Variants in RAB3B observed in about 807,000 individuals in gnomAD.
The protein encoded by RAB3B is RAB3B, member RAS oncogene family, also known as ras-related protein Rab-3B.
RAB3B carries 11 observed loss-of-function variants against 20.5 expected under a neutral mutation model. The ratio of observed to expected loss-of-function variants is 0.54; its 90% confidence interval spans 0.34 to 0.89. The LOEUF (loss-of-function observed/expected upper bound fraction) is 0.89. Ranked by LOEUF, RAB3B falls within the 40% of genes least tolerant of loss-of-function variation. The pLI is 0.02. For synonymous variants in RAB3B, 99 were observed against 106.3 expected (o/e 0.93, Z 0.42); for missense variants, 225 against 280.9 (o/e 0.80, Z 1.42).
At position 51,920,079 on chromosome 1, in the gene RAB3B, T is replaced by C. The variant is rs1684152511; in HGVS notation, c.508A>G (p.Ile170Val). 3.1e-6 allele frequency: 5 copies of C among 1,613,916 alleles called. No homozygotes were observed. Among genetic ancestry groups the C allele is most frequent in the Non-Finnish European group, 4.2e-6 (5 of 1,179,864 alleles). ...DFFEASAKEN[I>V]SVRQAFERLV... ...CGCTCAAAGGCCTGCCTTACACTGA[T>C]GTTCTCCTTTGCACTGGCTTCAAAG... is the stretch of plus-strand genomic sequence containing the variant. The change falls in exon 5 of 5, where the codon ATC (isoleucine) becomes GTC (valine). Residue 170 changes from isoleucine (I) to valine (V), a missense_variant. Ile to Val is a conservative substitution (Grantham distance 29, BLOSUM62 3). Coordinates refer to ENST00000371655, the MANE Select transcript of RAB3B (RefSeq NM_002867.4).
At chr1:51,939,350 CAG>C (rs1374913799) in intron 2 of RAB3B, among the ~76,000 whole-genome samples, 8 of 152,062 alleles carry the variant, frequency 5.3e-5, no homozygotes, top group African/African-American at 1.9e-4. Flanking sequence ...GCAAAAATTG[CAG>C]AAAGGGCAAG....
chr1:51,966,397 A>C (rs1684852223), intron 2 of RAB3B, among the ~76,000 whole-genome samples: 1 of 152,192 alleles, frequency 6.6e-6, no homozygotes, highest in African/African-American at 2.4e-5. Context: ...TATAATATGT[A>C]CATGACACAT....
At chr1:51,980,829 G>A in intron 1 of RAB3B, 2 of 736,070 alleles carry the variant, frequency 2.7e-6, no homozygotes, top group Non-Finnish European at 5.0e-6. Context: ...AAGGAGCTGA[G>A]TCCTTAAAGA....
In RAB3B at chr1:51,914,519, G is replaced by C. The variant is rs1464282237; in HGVS notation, c.*5408C>G. 6.6e-6 allele frequency: 1 copy of C among 152,122 alleles called. No individual in the cohort carries two copies. The highest frequency in any genetic ancestry group is 1.5e-5 in the Non-Finnish European group (1 of 68,030). The allele number at this position is 152,122 out of a possible 1,614,324, so 9.4% of individuals were successfully genotyped here. A position where few individuals can be genotyped will look rare whatever the true frequency, so the allele number is the denominator to read the frequency against. ...TGAAAGCAAGAACTGTGTCTAATTT[G>C]CCACTACTTGTATCCTGGCACATAA... On this transcript the variant is annotated 3_prime_UTR_variant, in exon 5 of 5. Coordinates refer to ENST00000371655, the MANE Select transcript of RAB3B (RefSeq NM_002867.4).
intron 4 of RAB3B, among the ~76,000 whole-genome samples, chr1:51,931,287 T>C (rs961262532): frequency 6.6e-6 from 1 of 152,078 alleles, no homozygotes; most frequent in African/African-American, 2.4e-5. Context: ...GTCCTACTTA[T>C]CTTCAAGACT....
chr1:51,945,539 C>T (rs1439011819), intron 2 of RAB3B, among the ~76,000 whole-genome samples: 1 of 152,134 alleles, frequency 6.6e-6, no homozygotes, highest in Admixed American at 6.5e-5. Flanking sequence ...CTGTACCTAC[C>T]TCAGAGTTTT....
chr1:51,959,216 G>A (rs1571971934), intron 2 of RAB3B, among the ~76,000 whole-genome samples: 2 of 152,082 alleles, frequency 1.3e-5, no homozygotes, highest in Non-Finnish European at 1.5e-5. Flanking sequence ...ATGGGAGTTT[G>A]CTGATAGAAA....
At chr1:51,986,111 A>G (rs1685147488) in intron 1 of RAB3B, among the ~76,000 whole-genome samples, 1 of 151,178 alleles carries the variant, frequency 6.6e-6, no homozygotes, top group Admixed American at 6.6e-5. Flanking sequence ...GTTCAAAACC[A>G]GCCTGGGAAA....
intron 2 of RAB3B, among the ~76,000 whole-genome samples, chr1:51,962,149 C>A (rs567932068): frequency 2.0e-5 from 3 of 152,310 alleles, no homozygotes; most frequent in African/African-American, 7.2e-5. Context: ...CCATCTAACT[C>A]CTCTGGACCT....
intron 3 of RAB3B, among the ~76,000 whole-genome samples, chr1:51,936,937 C>T (rs1239861305): frequency 1.3e-5 from 2 of 152,046 alleles, no homozygotes; most frequent in Non-Finnish European, 2.9e-5. Flanking sequence ...CCTTAGCCTC[C>T]TGAGTAGCTG....
intron 1 of RAB3B, among the ~76,000 whole-genome samples, chr1:51,978,478 T>C (rs1685039199): frequency 6.6e-6 from 1 of 152,208 alleles, no homozygotes; most frequent in Non-Finnish European, 1.5e-5. Flanking sequence ...ACTCATTCAC[T>C]CAGCAAATAT....
Position 51,916,146 on chromosome 1 carries a change from C to A in RAB3B, c.*3781G>T, listed in dbSNP as rs1361270928. On this transcript the variant is annotated 3_prime_UTR_variant, in exon 5 of 5. Transcript: ENST00000371655. ...ACACTATGCTGCAATCAGCTGGAAG[C>A]TGCTGCCTTTCATTTGACAGAAATG... is the stretch of plus-strand genomic sequence containing the variant. 6.6e-6 allele frequency: 1 copy of A among 152,260 alleles called. No homozygotes were observed. The highest frequency in any genetic ancestry group is 2.4e-5 in the African/African-American group (1 of 41,468). 9.4% of individuals were successfully genotyped at this position (152,260 alleles called of 1,614,324 possible).
At chr1:51,949,918 T>C (rs1471311572) in intron 2 of RAB3B, among the ~76,000 whole-genome samples, 1 of 152,128 alleles carries the variant, frequency 6.6e-6, no homozygotes, top group East Asian at 1.9e-4. Flanking sequence ...CCAAGAAGAA[T>C]GAGGTCACAT....
chr1:51,969,423 T>C (rs1684897722), intron 2 of RAB3B, among the ~76,000 whole-genome samples: 1 of 152,206 alleles, frequency 6.6e-6, no homozygotes, highest in South Asian at 2.1e-4. Context: ...GCTTTAGGCC[T>C]TAAATATTAG....
At chr1:51,989,103 G>GCGCGCGCACACACACACACA (rs377673682) in intron 1 of RAB3B, among the ~76,000 whole-genome samples, 1 of 132,676 alleles carries the variant, frequency 7.5e-6, no homozygotes, top group Non-Finnish European at 1.6e-5. Flanking sequence ...CTGTGCGCGC[G>GCGCGCGCACACACACACACA]CACACACACA....
intron 2 of RAB3B, among the ~76,000 whole-genome samples, chr1:51,965,531 CAGCTACTCGGG>C: frequency 6.6e-6 from 1 of 151,880 alleles, no homozygotes; most frequent in Non-Finnish European, 1.5e-5. Context: ...CGTGTAATCC[CAGCTACTCGGG>C]AGGCTGAGGC....
intron 1 of RAB3B, among the ~76,000 whole-genome samples, chr1:51,989,449 C>G (rs1189445212): frequency 6.6e-6 from 1 of 151,896 alleles, no homozygotes; most frequent in Non-Finnish European, 1.5e-5. Context: ...TGGGTCCCCT[C>G]CTTGGACTCC....
intron 2 of RAB3B, among the ~76,000 whole-genome samples, chr1:51,948,116 T>C (rs1684588603): frequency 6.6e-6 from 1 of 152,240 alleles, no homozygotes; most frequent in South Asian, 2.1e-4. Context: ...GTTTTTTTCT[T>C]ATTATCTCAG....
At chr1:51,990,289 C>G (rs1418922697) in intron 1 of RAB3B, among the ~76,000 whole-genome samples, 2 of 128,702 alleles carry the variant, frequency 1.6e-5, no homozygotes, top group Non-Finnish European at 3.3e-5. Flanking sequence ...ATCTCTCCTC[C>G]CAGCCCCAGC....
Sources: allele counts gnomAD v4.1 joint callset (sites outside exome capture counted in the v4.1 genomes callset), GRCh38; gene constraint gnomAD v4.1.1; transcripts MANE v1.5; gene names NCBI Gene and HGNC (gene_info 2026-07-23, HGNC 2026-07-21).